RTL4: variants seen among roughly 807,000 people sequenced by gnomAD.
RTL4 encodes the protein retrotransposon Gag like 4, also known as retrotransposon Gag-like protein 4.
In RTL4, 4 loss-of-function variants were observed where a neutral mutation model predicts 5.3. That is an observed-to-expected ratio of 0.75 (90% CI 0.37 to 1.72). RTL4 has a LOEUF of 1.72. RTL4 is among the 40% of genes most tolerant of loss of function. The pLI is 0.04. For synonymous variants in RTL4, 98 were observed against 87.3 expected, an observed-to-expected ratio of 1.12 and a Z score of -0.68; for missense variants, 260 against 227.1, an observed-to-expected ratio of 1.14 and a Z score of -0.93.
the RTL4 span, among the ~76,000 whole-genome samples, chrX:112,165,911 A>G: frequency 8.9e-6 from 1 of 112,526 alleles, no homozygotes; most frequent in Non-Finnish European, 1.9e-5. Context: ...TTAATGGAGA[A>G]TGTAATCATT....
the RTL4 span, among the ~76,000 whole-genome samples, chrX:112,156,511 G>A: frequency 6.3e-5 from 7 of 111,992 alleles, no homozygotes; most frequent in African/African-American, 2.3e-4. Context: ...AAGCAAGGTT[G>A]ATATCACAGG....
the RTL4 span, among the ~76,000 whole-genome samples, chrX:112,109,854 G>A: frequency 3.6e-3 from 407 of 111,623 alleles, 1 homozygote; most frequent in African/African-American, 0.013. Context: ...CCCTACAGTT[G>A]TAATGTCCTC....
the RTL4 span, among the ~76,000 whole-genome samples, chrX:112,091,316 A>G: frequency 9.0e-6 from 1 of 111,661 alleles, no homozygotes; most frequent in South Asian, 3.7e-4. Context: ...TTCTATTACT[A>G]GTTCCTTAAA....
the RTL4 span, among the ~76,000 whole-genome samples, chrX:112,220,407 C>T: frequency 3.6e-5 from 4 of 112,671 alleles, no homozygotes; most frequent in African/African-American, 1.3e-4. Flanking sequence ...AGTAGGGGGC[C>T]CTGGGCCCAG....
chrX:112,235,662 A>C, the RTL4 span, among the ~76,000 whole-genome samples: 1 of 111,954 alleles, frequency 8.9e-6, no homozygotes, highest in Admixed American at 9.5e-5. Context: ...GTATCTAATA[A>C]AAATGCTCCA....
At chrX:112,309,815 CAT>C in the RTL4 span, among the ~76,000 whole-genome samples, 1 of 102,821 alleles carries the variant, frequency 9.7e-6, no homozygotes, top group Non-Finnish European at 1.9e-5. Context: ...TATACACACA[CAT>C]ATATACATAT....
At chrX:112,285,605 G>A in the RTL4 span, among the ~76,000 whole-genome samples, 2 of 111,377 alleles carry the variant, frequency 1.8e-5, no homozygotes, top group Non-Finnish European at 3.8e-5. Context: ...AAAGATGGAT[G>A]GTATTCATCA....
the RTL4 span, among the ~76,000 whole-genome samples, chrX:112,356,489 G>A: frequency 1.8e-5 from 2 of 110,942 alleles, no homozygotes; most frequent in Admixed American, 9.6e-5. Flanking sequence ...AGAGAGGGAA[G>A]GTTCTGGAAG....
At chrX:112,449,199 C>A in the RTL4 span, among the ~76,000 whole-genome samples, 2 of 111,186 alleles carry the variant, frequency 1.8e-5, no homozygotes, top group African/African-American at 3.3e-5. Context: ...CATTCCCAGG[C>A]AGAGAAGAAG....
chrX:112,239,011 T>A, the RTL4 span, among the ~76,000 whole-genome samples: 6 of 111,676 alleles, frequency 5.4e-5, no homozygotes, highest in East Asian at 1.7e-3. Context: ...GGGAAACAGG[T>A]CTTCCACCTT....
At chrX:112,227,751 G>A in the RTL4 span, among the ~76,000 whole-genome samples, 4 of 111,775 alleles carry the variant, frequency 3.6e-5, no homozygotes, top group Middle Eastern at 4.7e-3. Context: ...GTTTAGAATT[G>A]TGCCCAGGGT....
chrX:112,240,208 G>A, the RTL4 span, among the ~76,000 whole-genome samples: 1 of 111,929 alleles, frequency 8.9e-6, no homozygotes, highest in Non-Finnish European at 1.9e-5. Flanking sequence ...TAGAAGACTG[G>A]TGACAAGACA....
the RTL4 span, among the ~76,000 whole-genome samples, chrX:112,219,780 A>G: frequency 8.9e-6 from 1 of 112,087 alleles, no homozygotes; most frequent in African/African-American, 3.2e-5. Context: ...ATATTCTCAA[A>G]TTTTTTTTGT....
the RTL4 span, among the ~76,000 whole-genome samples, chrX:112,417,270 A>G: frequency 8.9e-6 from 1 of 112,074 alleles, no homozygotes; most frequent in East Asian, 2.8e-4. Context: ...GTGCCCGTCA[A>G]GAAGCTACCC....
the RTL4 span, among the ~76,000 whole-genome samples, chrX:112,093,555 C>T: frequency 1.8e-5 from 2 of 111,498 alleles, no homozygotes; most frequent in East Asian, 5.6e-4. Context: ...TCTTGTGTGC[C>T]AAGGCATATG....
the RTL4 span, among the ~76,000 whole-genome samples, chrX:112,105,313 G>C: frequency 1.8e-5 from 2 of 111,664 alleles, no homozygotes; most frequent in African/African-American, 6.5e-5. Flanking sequence ...TTGAAATTAA[G>C]TACAGTGTGA....
At chrX:112,120,054 G>C in the RTL4 span, among the ~76,000 whole-genome samples, 2 of 111,620 alleles carry the variant, frequency 1.8e-5, no homozygotes, top group African/African-American at 6.5e-5. Flanking sequence ...TTTATAGAAG[G>C]CCCATGATGT....
At chrX:112,123,140 G>A in the RTL4 span, among the ~76,000 whole-genome samples, 1 of 111,597 alleles carries the variant, frequency 9.0e-6, no homozygotes, top group East Asian at 2.8e-4. Context: ...GACCAAGAAA[G>A]GGTCATAATA....
chrX:112,330,782 C>G, the RTL4 span, among the ~76,000 whole-genome samples: 14 of 111,484 alleles, frequency 1.3e-4, no homozygotes, highest in Non-Finnish European at 2.3e-4. Flanking sequence ...GTAACCAAAA[C>G]AGCATGGTAC....
Sources: gnomAD v4.1 joint callset for allele counts (sites outside exome capture counted in the v4.1 genomes callset) on GRCh38, gnomAD v4.1.1 for gene constraint, MANE v1.5 for transcripts, NCBI Gene and HGNC (gene_info 2026-07-23, HGNC 2026-07-21) for gene names.